The following PHF14 variants were observed in gnomAD, a reference collection of about 807,000 sequenced individuals.
PHF14 encodes PHD finger protein 14.
A neutral mutation model predicts 117.9 loss-of-function variants in PHF14; 55 were observed. The ratio of observed to expected loss-of-function variants is 0.47; its 90% CI spans 0.38 to 0.58. The LOEUF (loss-of-function observed/expected upper bound fraction) is 0.58, where lower values mean the gene tolerates loss of function less well. Ranked by LOEUF, PHF14 falls within the 20% of genes least tolerant of loss-of-function variation. The probability of loss-of-function intolerance (pLI) is 0.00; values close to 1 mark genes in which losing one functional copy is unlikely to be tolerated. For missense variants in PHF14, 978 were observed against 1,122.2 expected (o/e 0.87, Z 1.84); for synonymous variants, 409 against 368.6 (o/e 1.11, Z -1.26).
intron 17 of PHF14, among the ~76,000 whole-genome samples, chr7:11,150,967 TTAAAA>T (rs1175464198): frequency 6.6e-6 from 1 of 152,118 alleles, no homozygotes; most frequent in East Asian, 1.9e-4. Flanking sequence ...ATTTTCTACT[TTAAAA>T]GAAAAGTAAA....
intron 13 of PHF14, among the ~76,000 whole-genome samples, chr7:11,047,802 A>G (rs1406765616): frequency 1.6e-5 from 2 of 128,234 alleles, no homozygotes; most frequent in African/African-American, 5.9e-5. Flanking sequence ...AGACAGAAGA[A>G]GAGGAGGGAG....
At chr7:11,128,733 T>C (rs1376934714) in intron 17 of PHF14, among the ~76,000 whole-genome samples, 1 of 150,342 alleles carries the variant, frequency 6.7e-6, no homozygotes, top group Non-Finnish European at 1.5e-5. Flanking sequence ...CCCGTTCTCC[T>C]TCCGTCTCTC....
chr7:11,063,533 T>C (rs943702811), intron 16 of PHF14: 33 of 977,118 alleles, frequency 3.4e-5, no homozygotes, highest in East Asian at 1.1e-4. Context: ...TAAAAACTTA[T>C]AGAGCTGGTG....
rs563148490 is a variant in PHF14 at position 11,075,958 on chromosome 7, C to T, written c.2654+13873C>T. The stretch of plus-strand genomic sequence containing the variant: ...CATCCTGGCTAATACGATGAAACCC[C>T]GTCTCTACCAAAAAAAATAAAAAAG... On this transcript the variant is annotated intron_variant, in intron 16 of 17. Coordinates refer to ENST00000634607, the MANE Select transcript of PHF14 (RefSeq NM_001007157.2). 1.7e-3 allele frequency among the ~76,000 whole-genome samples: 260 copies of T among 151,986 alleles called. 2 individuals are homozygous for T. Among genetic ancestry groups the T allele is most frequent in the African/African-American group, 5.9e-3 (245 of 41,442 alleles).
chr7:11,139,630 C>G (rs1788343507), intron 17 of PHF14, among the ~76,000 whole-genome samples: 1 of 152,116 alleles, frequency 6.6e-6, no homozygotes. Context: ...GTATCTATTT[C>G]ACACTAACCC....
intron 12 of PHF14, among the ~76,000 whole-genome samples, chr7:11,042,111 G>A (rs773650948): frequency 1.4e-4 from 21 of 151,862 alleles, no homozygotes; most frequent in African/African-American, 4.6e-4. Flanking sequence ...TGATGTGTGC[G>A]TTTTTAATTT....
At chr7:10,991,908 T>G (rs1782469650) in intron 4 of PHF14, among the ~76,000 whole-genome samples, 1 of 143,688 alleles carries the variant, frequency 7.0e-6, no homozygotes, top group East Asian at 2.0e-4. Context: ...TTATTTCCAG[T>G]TTTTTTTTTT....
intron 17 of PHF14, among the ~76,000 whole-genome samples, chr7:11,121,436 C>T (rs1436480662): frequency 3.3e-5 from 5 of 152,112 alleles, no homozygotes; most frequent in African/African-American, 1.2e-4. Flanking sequence ...GAAAGGTAGA[C>T]TCTCAGTACA....
At chr7:11,163,477 C>A (rs1789109623) in intron 17 of PHF14, among the ~76,000 whole-genome samples, 1 of 152,088 alleles carries the variant, frequency 6.6e-6, no homozygotes, top group South Asian at 2.1e-4. Flanking sequence ...ATTGCTCATT[C>A]AATGCATTGG....
chr7:11,167,424 G>C (rs1789233011), intron 17 of PHF14, among the ~76,000 whole-genome samples: 1 of 152,152 alleles, frequency 6.6e-6, no homozygotes, highest in Non-Finnish European at 1.5e-5. Context: ...GAACAATATT[G>C]TGCTTTTCCA....
chr7:11,078,064 T>C (rs1288210366), intron 16 of PHF14, among the ~76,000 whole-genome samples: 1 of 152,180 alleles, frequency 6.6e-6, no homozygotes, highest in African/African-American at 2.4e-5. Context: ...GTTCACACTG[T>C]GGTATTTGAA....
At chr7:11,103,892 A>G (rs1787173501) in intron 16 of PHF14, 1 of 981,292 alleles carries the variant, frequency 1.0e-6, no homozygotes, top group African/African-American at 1.8e-5. Context: ...AAAAATATTC[A>G]TAATCTTTAG....
rs368656912 is a variant in PHF14 at position 11,036,576 on chromosome 7, G to C, written c.1761G>C (p.Gly587=). 6.2e-7 allele frequency: 1 copy of C among 1,613,778 alleles called. No homozygotes were observed. The highest frequency in any genetic ancestry group is 1.3e-5 in the African/African-American group (1 of 74,918). The change falls in exon 9 of 18, where the codon GGG becomes GGC. Residue 587 remains glycine (G), a synonymous_variant. Coordinates refer to ENST00000634607, the MANE Select transcript of PHF14 (RefSeq NM_001007157.2). The part of the protein sequence containing the change: ...RKLMRKAELM[G]ISTDIFPVDN... ...TTATGCGGAAAGCAGAACTCATGGGGATCAGTACAGATATCTTTCCAGTGG... is the reference window on the plus strand; with the variant it reads ...TTATGCGGAAAGCAGAACTCATGGGCATCAGTACAGATATCTTTCCAGTGG...
chr7:11,015,293 G>A (rs1783496001), intron 5 of PHF14: 5 of 152,074 alleles, frequency 3.3e-5, no homozygotes. Context: ...TGCCATACAA[G>A]ATTGCTGGGA....
chr7:11,095,549 A>G (rs1275378433), intron 16 of PHF14, among the ~76,000 whole-genome samples: 1 of 152,196 alleles, frequency 6.6e-6, no homozygotes, highest in Non-Finnish European at 1.5e-5. Context: ...AAGTAAATGG[A>G]AATAAGATCA....
chr7:11,021,454 A>C (rs1009900838), intron 5 of PHF14, among the ~76,000 whole-genome samples: 10 of 152,168 alleles, frequency 6.6e-5, no homozygotes, highest in Non-Finnish European at 1.2e-4. Context: ...ATGAGGACTC[A>C]AGTTGGTATC....
intron 16 of PHF14, 84 bp downstream of exon 16, chr7:11,062,169 T>C: frequency 8.5e-7 from 1 of 1,172,690 alleles, no homozygotes; most frequent in Non-Finnish European, 1.2e-6. Context: ...AAAAAACAAT[T>C]GCAGGATAAG....
At chr7:11,076,659 C>T (rs1259131437) in intron 16 of PHF14, among the ~76,000 whole-genome samples, 3 of 150,726 alleles carry the variant, frequency 2.0e-5, no homozygotes, top group East Asian at 1.9e-4. Context: ...CCTCTACCTC[C>T]GGGGTTCAAG....
At chr7:11,146,634 G>C (rs965145410) in intron 17 of PHF14, among the ~76,000 whole-genome samples, 2 of 152,128 alleles carry the variant, frequency 1.3e-5, no homozygotes, top group East Asian at 3.9e-4. Flanking sequence ...GGGATATAGG[G>C]CAACATATAT....
Sources: allele counts gnomAD v4.1 joint callset (sites outside exome capture counted in the v4.1 genomes callset), GRCh38; gene constraint gnomAD v4.1.1; transcripts MANE v1.5; gene names NCBI Gene and HGNC (gene_info 2026-07-23, HGNC 2026-07-21).